The following CARS1 variants were observed in gnomAD, a reference collection of about 807,000 sequenced individuals.
The protein encoded by CARS1 is cysteine--tRNA ligase, cytoplasmic.
CARS1 carries 48 observed loss-of-function variants against 106.2 expected under a neutral mutation model. That is an observed-to-expected ratio of 0.45 (90% CI 0.36 to 0.57). CARS1 has a LOEUF of 0.57. CARS1 is among the 20% of genes least tolerant of loss of function. The pLI is 0.00. For missense variants in CARS1, 968 were observed against 1,057.2 expected (o/e 0.92, Z 1.17); for synonymous variants, 409 against 403.4 (o/e 1.01, Z -0.17).
At position 3,045,044 on chromosome 11, in the gene CARS1, T is replaced by G. The variant is rs1565101826; in HGVS notation, c.274+2709A>C. On this transcript the variant is annotated intron_variant, in intron 2 of 22. Transcript: ENST00000380525. The surrounding 1 kb of genome is among the most constrained non-coding windows in gnomAD (Gnocchi z 5.6). ...TCTGACAGACCCACACCCTCCTCAGTGAAGGGTATAGCTGACACTCCTTCC... is the reference window on the plus strand; with the variant it reads ...TCTGACAGACCCACACCCTCCTCAGGGAAGGGTATAGCTGACACTCCTTCC... 6.6e-6 allele frequency among the ~76,000 whole-genome samples: 1 copy of G among 151,966 alleles called. No homozygotes were observed. The highest frequency in any genetic ancestry group is 1.5e-5 in the Non-Finnish European group (1 of 67,988).
Position 3,052,390 on chromosome 11 carries a change from T to C in CARS1, c.26-4389A>G, listed in dbSNP as rs530079347. ...CCAGGGGCCCCATTTGCCATCATTA[T>C]TATCATAATCGCTCTGGTATTATTA... On this transcript the variant is annotated intron_variant, in intron 1 of 22. Transcript: ENST00000380525. This position sits in a 1 kb window ranked among gnomAD's most constrained non-coding sequence, Gnocchi z 4.6. Among the ~76,000 whole-genome samples, 1 of 152,254 alleles carries C rather than the reference T, an allele frequency of 6.6e-6. No individual in the cohort carries two copies. The highest frequency in any genetic ancestry group is 2.4e-5 in the African/African-American group (1 of 41,476).
At chr11:3,032,129 G>A (rs1241922790) in intron 7 of CARS1, among the ~76,000 whole-genome samples, 1 of 148,490 alleles carries the variant, frequency 6.7e-6, no homozygotes, top group African/African-American at 2.5e-5. Flanking sequence ...CTGGAGTGCA[G>A]TAGTGCAATC....
intron 21 of CARS1, 157 bp downstream of exon 21, chr11:3,002,384 G>T: frequency 7.2e-7 from 1 of 1,391,228 alleles, no homozygotes; most frequent in Non-Finnish European, 9.8e-7. Context: ...AGAAGGGCCT[G>T]GCAGGCCTTG....
Position 3,046,876 on chromosome 11 carries a change from G to C in CARS1, c.274+877C>G, listed in dbSNP as rs7111857. On this transcript the variant is annotated intron_variant, in intron 2 of 22. Transcript: ENST00000380525. This position sits in a 1 kb window ranked among gnomAD's most constrained non-coding sequence, Gnocchi z 5.8. ...TGCAGGCATCCCAGGAGTATCTCCC[G>C]CAAATAACCACAGGCACGTTCCACA... 1.3e-5 allele frequency among the ~76,000 whole-genome samples: 2 copies of C among 151,946 alleles called. No individual in the cohort carries two copies. Among genetic ancestry groups the C allele is most frequent in the Non-Finnish European group, 2.9e-5 (2 of 67,980 alleles).
rs1445564999 is a variant in CARS1, at chr11:3,008,818, G to A, written c.2069-1859C>T. The A allele has an allele frequency of 6.6e-6, 1 of 152,124 alleles. No homozygotes were observed. The highest frequency in any genetic ancestry group is 1.5e-5 in the Non-Finnish European group (1 of 68,052). The allele number at this position is 152,124 out of a possible 1,614,324, so 9.4% of individuals were successfully genotyped here. ...GGAGCAGCTGACTGGGGCATGAGCT[G>A]AGGTAGGTGCCTGCCCTTCACTCTT... On this transcript the variant is annotated intron_variant, in intron 18 of 22. Transcript: ENST00000380525. This position sits in a 1 kb window ranked among gnomAD's most constrained non-coding sequence, Gnocchi z 5.1.
chr11:3,046,954 A>C lies in CARS1; in HGVS notation c.274+799T>G, dbSNP rs1855148996. Among the ~76,000 whole-genome samples the C allele has an allele frequency of 6.6e-6, 1 of 152,198 alleles. No homozygotes were observed. The highest frequency in any genetic ancestry group is 6.5e-5 in the Admixed American group (1 of 15,280). On this transcript the variant is annotated intron_variant, in intron 2 of 22. Transcript: ENST00000380525. The surrounding 1 kb of genome is among the most constrained non-coding windows in gnomAD (Gnocchi z 5.8). ...CTACGGGACAGACATCATCTCAAAG[A>C]GAAAAAATGACTTATTTCTGATTTT...
At chr11:3,025,439 G>T (rs775029549) in intron 10 of CARS1, among the ~76,000 whole-genome samples, 41 of 152,196 alleles carry the variant, frequency 2.7e-4, no homozygotes, top group Non-Finnish European at 4.6e-4. Context: ...TGTTGGCCAG[G>T]CTGGTCTCGA....
At chr11:3,002,394 G>C in intron 21 of CARS1, 147 bp downstream of exon 21, 3 of 1,447,942 alleles carry the variant, frequency 2.1e-6, no homozygotes, top group Non-Finnish European at 2.8e-6. Flanking sequence ...GGCAGGCCTT[G>C]GGTGGTGGAG....
rs1854182794 is a variant in CARS1, at chr11:3,039,803, A to G, written c.552+32T>C. ...ATCTTCTTTTACACCATCCAATTGCATTTAAAATTTAATCTTACAAATTCC... is the reference window on the plus strand; with the variant it reads ...ATCTTCTTTTACACCATCCAATTGCGTTTAAAATTTAATCTTACAAATTCC... On this transcript the variant is annotated intron_variant, in intron 5 of 22. Transcript: ENST00000380525. The surrounding 1 kb of genome is among the most constrained non-coding windows in gnomAD (Gnocchi z 5.6). The G allele has an allele frequency of 8.9e-7, 1 of 1,128,968 alleles. No individual in the cohort carries two copies. Among genetic ancestry groups the G allele is most frequent in the Non-Finnish European group, 1.3e-6 (1 of 771,142 alleles). The allele number at this position is 1,128,968 out of a possible 1,614,324, so 69.9% of individuals were successfully genotyped here.
In CARS1 at chr11:3,004,875, A is replaced by G. The variant is rs1022008160; in HGVS notation, c.2217+491T>C. ...GTAATCCCAGCACTTTGGGAGGCCAAGGTGGGTGGATCACGAGGTCAGGAG... is the reference window on the plus strand; with the variant it reads ...GTAATCCCAGCACTTTGGGAGGCCAGGGTGGGTGGATCACGAGGTCAGGAG... On this transcript the variant is annotated intron_variant, in intron 20 of 22. Transcript: ENST00000380525. The surrounding 1 kb of genome is among the most constrained non-coding windows in gnomAD (Gnocchi z 5.2). 1.3e-5 allele frequency among the ~76,000 whole-genome samples: 2 copies of G among 152,192 alleles called. No individual in the cohort carries two copies. Among genetic ancestry groups the G allele is most frequent in the Non-Finnish European group, 2.9e-5 (2 of 68,032 alleles).
At chr11:3,005,033 G>C (rs1057449728) in intron 20 of CARS1, among the ~76,000 whole-genome samples, 1 of 151,050 alleles carries the variant, frequency 6.6e-6, no homozygotes, top group Non-Finnish European at 1.5e-5. Context: ...CCTTGAACCA[G>C]GGAAGTGGAG....
rs180866646 is a variant in CARS1, at chr11:3,048,698, C to T, written c.26-697G>A. On this transcript the variant is annotated intron_variant, in intron 1 of 22. Coordinates refer to ENST00000380525, the MANE Select transcript of CARS1 (RefSeq NM_001014437.3). This position sits in a 1 kb window ranked among gnomAD's most constrained non-coding sequence, Gnocchi z 5.1. Reference sequence around the variant, plus strand: ...TTTACACCCCTGCACCAAGAGACAGCTGGACTCTAGCATGGCTTCTGCAGG... The same window carrying T: ...TTTACACCCCTGCACCAAGAGACAGTTGGACTCTAGCATGGCTTCTGCAGG... 6.6e-5 allele frequency among the ~76,000 whole-genome samples: 10 copies of T among 152,320 alleles called. No individual in the cohort carries two copies. In the East Asian group the frequency reaches 1.5e-3, roughly 24 times the overall value.
Position 3,048,282 on chromosome 11 carries a change from T to C in CARS1, c.26-281A>G, listed in dbSNP as rs1855318745. 1 of 371,292 alleles carries C rather than the reference T, an allele frequency of 2.7e-6. No individual in the cohort carries two copies. The highest frequency in any genetic ancestry group is 4.9e-6 in the Non-Finnish European group (1 of 203,750). The allele number at this position is 371,292 out of a possible 1,614,324, so 23.0% of individuals were successfully genotyped here. A position where few individuals can be genotyped will look rare whatever the true frequency, so the allele number is the denominator to read the frequency against. The stretch of plus-strand genomic sequence containing the variant: ...CTGCATGACAACATCATGCGCCAAA[T>C]ACCACAGAATTGTGTACTTTTCACT... On this transcript the variant is annotated intron_variant, in intron 1 of 22. Coordinates refer to ENST00000380525, the MANE Select transcript of CARS1 (RefSeq NM_001014437.3). This position sits in a 1 kb window ranked among gnomAD's most constrained non-coding sequence, Gnocchi z 5.1.
Position 3,048,162 on chromosome 11 carries a change from G to A in CARS1, c.26-161C>T, listed in dbSNP as rs773751540. On this transcript the variant is annotated intron_variant, in intron 1 of 22. Coordinates refer to ENST00000380525, the MANE Select transcript of CARS1 (RefSeq NM_001014437.3). The surrounding 1 kb of genome is among the most constrained non-coding windows in gnomAD (Gnocchi z 5.1). Reference sequence around the variant, plus strand: ...GAACAGGCAAAGGCACAGGGGCAGCGCTTCGACTGGGGGCGAGGGAGTGAC... The same window carrying A: ...GAACAGGCAAAGGCACAGGGGCAGCACTTCGACTGGGGGCGAGGGAGTGAC... Among the ~76,000 whole-genome samples, 2 of 152,196 alleles carry A rather than the reference G, an allele frequency of 1.3e-5. No individual in the cohort carries two copies. Among genetic ancestry groups the A allele is most frequent in the Admixed American group, 6.5e-5 (1 of 15,274 alleles).
intron 14 of CARS1, 78 bp downstream of exon 14, chr11:3,018,330 C>T: frequency 3.3e-6 from 3 of 919,062 alleles, no homozygotes. Context: ...GGCTGGTGCA[C>T]CTATCACCAC....
Position 3,048,272 on chromosome 11 carries a change from A to G in CARS1, c.26-271T>C, listed in dbSNP as rs563099012. ...GAAATGAAGGCTGCATGACAACATC[A>G]TGCGCCAAATACCACAGAATTGTGT... On this transcript the variant is annotated intron_variant, in intron 1 of 22. Coordinates refer to ENST00000380525, the MANE Select transcript of CARS1 (RefSeq NM_001014437.3). This position sits in a 1 kb window ranked among gnomAD's most constrained non-coding sequence, Gnocchi z 5.1. 2.1e-4 allele frequency: 83 copies of G among 403,860 alleles called. 1 individual carries two copies. The highest frequency in any genetic ancestry group is 5.3e-4 in the South Asian group (11 of 20,678). The allele number at this position is 403,860 out of a possible 1,614,324, so 25.0% of individuals were successfully genotyped here.
At chr11:3,016,943 C>T (rs1390151481) in intron 16 of CARS1, among the ~76,000 whole-genome samples, 163 bp downstream of exon 16, 2 of 152,174 alleles carry the variant, frequency 1.3e-5, no homozygotes, top group South Asian at 2.1e-4. Flanking sequence ...GTGAAAAGCA[C>T]ACCAGGAACC....
In CARS1 at chr11:3,052,563, G is replaced by T. The variant is rs927485286; in HGVS notation, c.26-4562C>A. On this transcript the variant is annotated intron_variant, in intron 1 of 22. Transcript: ENST00000380525. The surrounding 1 kb of genome is among the most constrained non-coding windows in gnomAD (Gnocchi z 4.6). ...ATCTTGGATCACATAATTCTTAAATGTACCGTCTAGAGCAGGCTAGACGGC... is the reference window on the plus strand; with the variant it reads ...ATCTTGGATCACATAATTCTTAAATTTACCGTCTAGAGCAGGCTAGACGGC... Among the ~76,000 whole-genome samples, 1 of 152,026 alleles carries T rather than the reference G, an allele frequency of 6.6e-6. No individual in the cohort carries two copies. Among genetic ancestry groups the T allele is most frequent in the Non-Finnish European group, 1.5e-5 (1 of 68,026 alleles).
intron 21 of CARS1, 141 bp from the exon 22 acceptor site, chr11:3,002,194 G>A: frequency 1.4e-6 from 1 of 702,968 alleles, no homozygotes; most frequent in Non-Finnish European, 2.5e-6. Context: ...ATGGGAAGGG[G>A]AAAGCCAAGG....
Sources: gnomAD v4.1 joint callset for allele counts (sites outside exome capture counted in the v4.1 genomes callset) on GRCh38, gnomAD v4.1.1 for gene constraint, Gnocchi (gnomAD v3.1) non-coding constraint, MANE v1.5 for transcripts, NCBI Gene and HGNC (gene_info 2026-07-23, HGNC 2026-07-21) for gene names.